MITF: variants seen among roughly 807,000 people sequenced by gnomAD.
MITF encodes microphthalmia-associated transcription factor.
In MITF, 17 loss-of-function variants were observed where a neutral mutation model predicts 60.5. The ratio of observed to expected loss-of-function variants is 0.28; its 90% CI spans 0.19 to 0.42. MITF has a LOEUF of 0.42. Among genes scored for constraint, MITF ranks in the 10% least tolerant of loss-of-function variants. The pLI is 1.00. For missense variants in MITF, 622 were observed against 683.5 expected, an observed-to-expected ratio of 0.91 and a Z score of 1.00; for synonymous variants, 260 against 248.5, an observed-to-expected ratio of 1.05 and a Z score of -0.43.
chr3:69,748,105 C>A (rs1703798477), intron 1 of MITF, among the ~76,000 whole-genome samples: 1 of 152,182 alleles, frequency 6.6e-6, no homozygotes, highest in South Asian at 2.1e-4. Context: ...CCACATACCA[C>A]CTCCAGTGTT....
At chr3:69,959,033 G>A (rs2066471764) in intron 8 of MITF, among the ~76,000 whole-genome samples, 1 of 151,434 alleles carries the variant, frequency 6.6e-6, no homozygotes, top group South Asian at 2.1e-4. Context: ...GGATGGGGGT[G>A]AGGGATAAAA....
intron 2 of MITF, among the ~76,000 whole-genome samples, chr3:69,906,130 T>C (rs1398786695): frequency 6.6e-6 from 1 of 152,200 alleles, no homozygotes; most frequent in African/African-American, 2.4e-5. Context: ...TGAGTTAATT[T>C]TTATATAAGT....
At chr3:69,945,402 A>G (rs934892569) in intron 5 of MITF, among the ~76,000 whole-genome samples, 5 of 152,184 alleles carry the variant, frequency 3.3e-5, no homozygotes, top group Admixed American at 1.3e-4. Flanking sequence ...TAAAAATCCC[A>G]CAAAGATGTG....
intron 2 of MITF, among the ~76,000 whole-genome samples, chr3:69,909,142 GA>G (rs1245276329): frequency 2.0e-5 from 3 of 152,106 alleles, no homozygotes; most frequent in Non-Finnish European, 4.4e-5. Flanking sequence ...ATTGAATCAT[GA>G]GGGCTGGTCT....
chr3:69,837,862 A>C (rs1575795106), intron 1 of MITF, among the ~76,000 whole-genome samples: 1 of 152,320 alleles, frequency 6.6e-6, no homozygotes, highest in Middle Eastern at 3.4e-3. Flanking sequence ...TTATCTCTAT[A>C]AAATCTGGAA....
chr3:69,924,484 C>A (rs1309860979), intron 2 of MITF, among the ~76,000 whole-genome samples: 4 of 152,154 alleles, frequency 2.6e-5, no homozygotes, highest in Admixed American at 2.6e-4. Context: ...ATATCAAATA[C>A]ATAAATATGT....
chr3:69,953,064 T>G (rs543581273), intron 7 of MITF, among the ~76,000 whole-genome samples: 1 of 152,272 alleles, frequency 6.6e-6, no homozygotes, highest in South Asian at 2.1e-4. Context: ...GAGGCACAAC[T>G]TCTGGGTCCT....
chr3:69,906,178 A>T (rs1296627396), intron 2 of MITF, among the ~76,000 whole-genome samples: 2 of 152,134 alleles, frequency 1.3e-5, no homozygotes, highest in African/African-American at 4.8e-5. Context: ...GTAAATATGG[A>T]TGACCAATTG....
At chr3:69,946,759 T>C (rs2066106886) in intron 5 of MITF, among the ~76,000 whole-genome samples, 1 of 152,226 alleles carries the variant, frequency 6.6e-6, no homozygotes, top group Admixed American at 6.5e-5. Flanking sequence ...CTGATCTCAG[T>C]AGAGTGCCCA....
At chr3:69,862,625 T>C (rs1251513357) in intron 1 of MITF, among the ~76,000 whole-genome samples, 3 of 152,218 alleles carry the variant, frequency 2.0e-5, no homozygotes, top group African/African-American at 7.2e-5. Context: ...AAATCCCTTA[T>C]CTCTTTTCTA....
In MITF at chr3:69,963,970, C is replaced by CTTTTTT. The variant is rs56921812; in HGVS notation, c.1180-859_1180-854dup. Among the ~76,000 whole-genome samples the CTTTTTT allele has an allele frequency of 5.0e-3, 427 of 86,028 alleles. 1 individual carries two copies. The highest frequency in any genetic ancestry group is 7.1e-3 in the African/African-American group (148 of 20,802). 56.4% of individuals were successfully genotyped at this position (86,028 alleles called of 152,430 possible). A position where few individuals can be genotyped will look rare whatever the true frequency, so the allele number is the denominator to read the frequency against. On this transcript the variant is annotated intron_variant, in intron 9 of 9. Transcript: ENST00000352241. Reference sequence around the variant, plus strand: ...ACTGAATATGTTTCTTTTTTCTTTTCTTTTTTTTTTTTTTTTTTTTTTTGA... The same window carrying CTTTTTT: ...ACTGAATATGTTTCTTTTTTCTTTTCTTTTTTTTTTTTTTTTTTTTTTTTTTTTTGA...
At chr3:69,905,029 T>G (rs1473250087) in intron 2 of MITF, among the ~76,000 whole-genome samples, 1 of 152,192 alleles carries the variant, frequency 6.6e-6, no homozygotes, top group African/African-American at 2.4e-5. Context: ...TATAATTTGA[T>G]AAATTTAGAC....
intron 1 of MITF, among the ~76,000 whole-genome samples, chr3:69,743,724 C>T (rs984839455): frequency 3.9e-5 from 6 of 152,178 alleles, no homozygotes; most frequent in East Asian, 1.9e-4. Flanking sequence ...AGAGGAAAAG[C>T]GCTGAATATC....
chr3:69,865,144 C>T (rs974877324), intron 1 of MITF, among the ~76,000 whole-genome samples: 3 of 151,700 alleles, frequency 2.0e-5, no homozygotes, highest in South Asian at 2.1e-4. Context: ...ATAGTTTGGC[C>T]GAGACTCCTG....
intron 1 of MITF, among the ~76,000 whole-genome samples, chr3:69,845,579 C>T (rs904294327): frequency 1.3e-5 from 2 of 151,558 alleles, no homozygotes; most frequent in African/African-American, 4.8e-5. Context: ...GTAATTTTCA[C>T]ATACAATTTG....
At chr3:69,841,872 T>C (rs183244698) in intron 1 of MITF, among the ~76,000 whole-genome samples, 2 of 152,244 alleles carry the variant, frequency 1.3e-5, no homozygotes, top group African/African-American at 4.8e-5. Flanking sequence ...AAAGGAAAAA[T>C]ATCAAAATGT....
intron 1 of MITF, among the ~76,000 whole-genome samples, chr3:69,870,292 T>TTA (rs199801058): frequency 0.031 from 4,667 of 148,964 alleles, 158 homozygotes; most frequent in African/African-American, 0.083. Flanking sequence ...GTGTGTGTGT[T>TTA]TATATATATA....
chr3:69,870,281 CGT>C (rs1553691655), intron 1 of MITF, among the ~76,000 whole-genome samples: 5 of 146,976 alleles, frequency 3.4e-5, no homozygotes, highest in Admixed American at 2.0e-4. Context: ...CACACACACA[CGT>C]GTGTGTGTTT....
intron 1 of MITF, among the ~76,000 whole-genome samples, chr3:69,756,649 C>G (rs1704160396): frequency 6.6e-6 from 1 of 152,176 alleles, no homozygotes; most frequent in Non-Finnish European, 1.5e-5. Context: ...GGTATATACC[C>G]AGTAATGGGA....
Sources: gnomAD v4.1 joint callset for allele counts (sites outside exome capture counted in the v4.1 genomes callset) on GRCh38, gnomAD v4.1.1 for gene constraint, MANE v1.5 for transcripts, NCBI Gene and HGNC (gene_info 2026-07-23, HGNC 2026-07-21) for gene names.